The following SHCBP1 variants were observed in gnomAD, a reference collection of about 807,000 sequenced individuals.
SHCBP1 encodes SHC binding and spindle associated 1.
SHCBP1 carries 60 observed loss-of-function variants against 75.1 expected under a neutral mutation model. That is an observed-to-expected ratio of 0.80 (90% CI 0.65 to 0.99). SHCBP1 has a LOEUF of 0.99. Among genes scored for constraint, SHCBP1 ranks in the 50% least tolerant of loss-of-function variants. SHCBP1 has a pLI of 0.00. For synonymous variants in SHCBP1, 290 were observed against 293.2 expected (o/e 0.99, Z 0.11); for missense variants, 709 against 809.4 (o/e 0.88, Z 1.50).
In SHCBP1 at chr16:46,604,062, G is replaced by A; in HGVS notation, c.1005C>T (p.Val335=). The A allele has an allele frequency of 6.2e-7, 1 of 1,614,202 alleles. No homozygotes were observed. The highest frequency in any genetic ancestry group is 8.5e-7 in the Non-Finnish European group (1 of 1,180,032). ...GGAGACCAGCCATCATGGTGGAGGA[G>A]ACCACATGAGTGATCTTCTGACCGC... ...RSSGQKITHV[V]SSTMMAGLLR... is the part of the protein sequence containing the mutation. The change falls in exon 7 of 13, where the codon GTC becomes GTT. Residue 335 remains valine, a synonymous_variant. Transcript: ENST00000303383.
chr16:46,621,223 AG>A (rs753872887), intron 1 of SHCBP1, 33 bp downstream of exon 1: 49 of 1,580,568 alleles, frequency 3.1e-5, no homozygotes, highest in Non-Finnish European at 4.2e-5. Flanking sequence ...CTCCGCTCAG[AG>A]GCGGCTCCTC....
Position 46,578,641 on chromosome 16 carries a change from AAG to A in SHCBP1, c.*3086_*3087del, listed in dbSNP as rs1453438736. Among the ~76,000 whole-genome samples the A allele has an allele frequency of 2.6e-5, 4 of 152,180 alleles. No individual in the cohort carries two copies. Among genetic ancestry groups the A allele is most frequent in the Non-Finnish European group, 1.5e-5 (1 of 68,026 alleles). Reference sequence around the variant, plus strand: ...TTCTATTAATAGTGAGAACTAAAAAAAGAGGAGAATGTTCACCACATATAAGA... The same window carrying A: ...TTCTATTAATAGTGAGAACTAAAAAAAGGAGAATGTTCACCACATATAAGA... On this transcript the variant is annotated 3_prime_UTR_variant, in exon 13 of 13. Coordinates refer to ENST00000303383, the MANE Select transcript of SHCBP1 (RefSeq NM_024745.5).
intron 12 of SHCBP1, among the ~76,000 whole-genome samples, chr16:46,583,170 G>A (rs536863232): frequency 6.7e-6 from 1 of 150,104 alleles, no homozygotes; most frequent in Non-Finnish European, 1.5e-5. Context: ...CACACCCACT[G>A]TTGCTGTCAC....
Position 46,621,237 on chromosome 16 carries a change from C to A in SHCBP1, c.103+20G>T, listed in dbSNP as rs537104161. The A allele has an allele frequency of 1.8e-5, 29 of 1,593,742 alleles. No homozygotes were observed. The highest frequency in any genetic ancestry group is 2.5e-5 in the Non-Finnish European group (29 of 1,169,702). ...CCTCCGCTCAGAGGCGGCTCCTCGG[C>A]CCCGGCATGGAGAGCTCACCTTTCT... On this transcript the variant is annotated intron_variant, in intron 1 of 12. Transcript: ENST00000303383.
rs1030436755 is a variant in SHCBP1, at chr16:46,580,895, C to A, written c.*834G>T. 1 of 152,104 alleles carries A rather than the reference C, an allele frequency of 6.6e-6. No homozygotes were observed. The highest frequency in any genetic ancestry group is 1.5e-5 in the Non-Finnish European group (1 of 68,056). The allele number at this position is 152,104 out of a possible 1,614,324, so 9.4% of individuals were successfully genotyped here. A position where few individuals can be genotyped will look rare whatever the true frequency, so the allele number is the denominator to read the frequency against. On this transcript the variant is annotated 3_prime_UTR_variant, in exon 13 of 13. Coordinates refer to ENST00000303383, the MANE Select transcript of SHCBP1 (RefSeq NM_024745.5). ...TAGCTGGAACTACATGCATGCACCA[C>A]CACACTCAGCTAATTTTTTTTAAAT...
At chr16:46,585,000 T>A (rs1018268653) in intron 10 of SHCBP1, among the ~76,000 whole-genome samples, 4 of 152,206 alleles carry the variant, frequency 2.6e-5, no homozygotes, top group African/African-American at 9.6e-5. Context: ...TACACCAATC[T>A]AACTCTTTTG....
chr16:46,610,410 G>A (rs138627432), intron 4 of SHCBP1, among the ~76,000 whole-genome samples: 41 of 151,966 alleles, frequency 2.7e-4, no homozygotes, highest in African/African-American at 8.7e-4. Context: ...ATGAGGGTCC[G>A]CTTCTGCCCT....
At position 46,579,391 on chromosome 16, in the gene SHCBP1, C is replaced by T. The variant is rs1234737378; in HGVS notation, c.*2338G>A. Among the ~76,000 whole-genome samples the T allele has an allele frequency of 6.6e-6, 1 of 152,034 alleles. No homozygotes were observed. The highest frequency in any genetic ancestry group is 1.5e-5 in the Non-Finnish European group (1 of 68,004). Reference sequence around the variant, plus strand: ...AGTAGGCCTACTCATTATAATGAATCATGTGAATAAAAATTAATATAAGCT... The same window carrying T: ...AGTAGGCCTACTCATTATAATGAATTATGTGAATAAAAATTAATATAAGCT... On this transcript the variant is annotated 3_prime_UTR_variant, in exon 13 of 13. Coordinates refer to ENST00000303383, the MANE Select transcript of SHCBP1 (RefSeq NM_024745.5).
At chr16:46,598,757 C>T (rs1232991630) in intron 9 of SHCBP1, among the ~76,000 whole-genome samples, 1 of 152,094 alleles carries the variant, frequency 6.6e-6, no homozygotes, top group Non-Finnish European at 1.5e-5. Context: ...TAGATGGAAT[C>T]TTCTTCCAAT....
chr16:46,613,778 T>C (rs1323555510), intron 4 of SHCBP1, among the ~76,000 whole-genome samples: 1 of 152,202 alleles, frequency 6.6e-6, no homozygotes, highest in African/African-American at 2.4e-5. Flanking sequence ...TCCCTGATGA[T>C]GGTGTGTCTC....
At chr16:46,605,134 C>T (rs148984626) in intron 5 of SHCBP1, among the ~76,000 whole-genome samples, 2 of 152,128 alleles carry the variant, frequency 1.3e-5, no homozygotes, top group Non-Finnish European at 2.9e-5. Flanking sequence ...GTGACTGAAA[C>T]AAAATGACCT....
At chr16:46,611,336 G>T (rs1184924187) in intron 4 of SHCBP1, among the ~76,000 whole-genome samples, 2 of 152,230 alleles carry the variant, frequency 1.3e-5, no homozygotes, top group Non-Finnish European at 2.9e-5. Flanking sequence ...TCATACAAAT[G>T]CACAACAATG....
Position 46,579,037 on chromosome 16 carries a change from C to T in SHCBP1, c.*2692G>A, listed in dbSNP as rs1363100915. On this transcript the variant is annotated 3_prime_UTR_variant, in exon 13 of 13. Transcript: ENST00000303383. ...TCTGGGCAGTTTTTAAAAATATATT[C>T]GTGTTAATATCTATGGTGCAATAAT... Among the ~76,000 whole-genome samples, 1 of 152,092 alleles carries T rather than the reference C, an allele frequency of 6.6e-6. No individual in the cohort carries two copies. Among genetic ancestry groups the T allele is most frequent in the East Asian group, 1.9e-4 (1 of 5,192 alleles).
At chr16:46,589,305 T>A (rs1965002056) in intron 10 of SHCBP1, among the ~76,000 whole-genome samples, 1 of 152,266 alleles carries the variant, frequency 6.6e-6, no homozygotes, top group East Asian at 1.9e-4. Context: ...TTCAACATAG[T>A]GTTGGAAGTT....
At chr16:46,587,730 C>A (rs1347277913) in intron 10 of SHCBP1, among the ~76,000 whole-genome samples, 1 of 152,072 alleles carries the variant, frequency 6.6e-6, no homozygotes, top group Admixed American at 6.5e-5. Flanking sequence ...CTTTAACACC[C>A]CACTGTCAAC....
intron 3 of SHCBP1, 56 bp downstream of exon 3, chr16:46,617,578 C>G: frequency 7.4e-7 from 1 of 1,342,734 alleles, no homozygotes. Context: ...ATATAACAGT[C>G]TGAAGTAAAG....
Position 46,604,436 on chromosome 16 carries a change from C to A in SHCBP1, c.715G>T (p.Val239Phe), listed in dbSNP as rs1965295023. The A allele has an allele frequency of 6.2e-7, 1 of 1,612,542 alleles. No individual in the cohort carries two copies. Among genetic ancestry groups the A allele is most frequent in the African/African-American group, 1.3e-5 (1 of 75,034 alleles). ...TAGTCAACAATAAGTCCTGATGGAA[C>A]TCGGTCTTCAAGAATGTCATAATGC... is the stretch of plus-strand genomic sequence containing the variant. Reference protein sequence around the residue: ...RLHYDILEDRVPSGLIVDYHN... With the variant: ...RLHYDILEDRFPSGLIVDYHN... Residue 239 changes from valine (V) to phenylalanine (F), a missense_variant, in exon 6 of 13, where the codon GTT (valine) becomes TTT (phenylalanine). By Grantham distance (50) the Val-to-Phe change is conservative. Transcript: ENST00000303383.
chr16:46,603,739 C>T, intron 7 of SHCBP1, 80 bp from the exon 8 acceptor site: 2 of 1,566,648 alleles, frequency 1.3e-6, no homozygotes, highest in Non-Finnish European at 1.7e-6. Context: ...GACTTCATGT[C>T]TTACTTTGAA....
Position 46,615,957 on chromosome 16 carries a change from A to C in SHCBP1, c.585T>G (p.Ile195Met), listed in dbSNP as rs952511681. 3 of 1,614,124 alleles carry C rather than the reference A, an allele frequency of 1.9e-6. No homozygotes were observed. The highest frequency in any genetic ancestry group is 2.5e-6 in the Non-Finnish European group (3 of 1,180,006). The change falls in exon 4 of 13, where the codon ATT (isoleucine) becomes ATG (methionine). Residue 195 changes from isoleucine to methionine, a missense_variant. Ile to Met is a conservative substitution (Grantham distance 10, BLOSUM62 1). Transcript: ENST00000303383. ...ACTTCTTTTCCTACCTGACATGCTC[A>C]ATTGCAAGGGCTGTCTGGTCAAACA... The part of the protein sequence containing the change: ...SGVFDQTALA[I>M]EHVRFFYQNI...
Sources: gnomAD v4.1 joint callset for allele counts (sites outside exome capture counted in the v4.1 genomes callset) on GRCh38, gnomAD v4.1.1 for gene constraint, MANE v1.5 for transcripts, NCBI Gene and HGNC (gene_info 2026-07-23, HGNC 2026-07-21) for gene names.